Variants in TMCC3 observed in about 807,000 individuals in gnomAD.
The protein encoded by TMCC3 is transmembrane and coiled-coil domain protein 3.
In TMCC3, 28 loss-of-function variants were observed where a neutral mutation model predicts 40.2. The observed-to-expected ratio is 0.70, with a 90% CI of 0.52 to 0.95. The LOEUF (loss-of-function observed/expected upper bound fraction) is 0.95. TMCC3 is among the 40% of genes least tolerant of loss of function. The pLI is 0.00. For synonymous variants in TMCC3, 255 were observed against 248.5 expected (o/e 1.03, Z -0.25); for missense variants, 554 against 615.2 (o/e 0.90, Z 1.05).
rs1475674215 is a variant in TMCC3, at chr12:94,570,108, G to A, written c.*1327C>T. On this transcript the variant is annotated 3_prime_UTR_variant, in exon 4 of 4. Transcript: ENST00000261226. ...ACTTATGTTCAGTGAGATGTTAAGAGACAGGTGGCAACCTTGGCTCAAACA... is the reference window on the plus strand; with the variant it reads ...ACTTATGTTCAGTGAGATGTTAAGAAACAGGTGGCAACCTTGGCTCAAACA... 1 of 152,156 alleles carries A rather than the reference G, an allele frequency of 6.6e-6. No individual in the cohort carries two copies. The highest frequency in any genetic ancestry group is 2.4e-5 in the African/African-American group (1 of 41,436). 9.4% of individuals were successfully genotyped at this position (152,156 alleles called of 1,614,324 possible).
intron 1 of TMCC3, among the ~76,000 whole-genome samples, chr12:94,594,535 C>T (rs1182069697): frequency 6.6e-6 from 1 of 152,116 alleles, no homozygotes; most frequent in Non-Finnish European, 1.5e-5. Context: ...GGAAAATTTC[C>T]CATCCATGCT....
Position 94,571,391 on chromosome 12 carries a change from T to C in TMCC3, c.*44A>G. 1 of 1,587,652 alleles carries C rather than the reference T, an allele frequency of 6.3e-7. No individual in the cohort carries two copies. The highest frequency in any genetic ancestry group is 8.6e-7 in the Non-Finnish European group (1 of 1,165,982). ...TTGGTAGTATGCACAGAGTTTTCTT[T>C]AAAATAAAAACTTGAAAGAACTTGA... On this transcript the variant is annotated 3_prime_UTR_variant, in exon 4 of 4. Coordinates refer to ENST00000261226, the MANE Select transcript of TMCC3 (RefSeq NM_020698.4).
intron 1 of TMCC3, chr12:94,616,183 AT>A: frequency 2.5e-6 from 2 of 808,954 alleles, no homozygotes; most frequent in Non-Finnish European, 3.0e-6. Flanking sequence ...TGCTGTACAA[AT>A]GGGCTCTTTG....
At chr12:94,631,694 C>T (rs1304476266) in intron 1 of TMCC3, among the ~76,000 whole-genome samples, 1 of 152,194 alleles carries the variant, frequency 6.6e-6, no homozygotes, top group Non-Finnish European at 1.5e-5. Context: ...TAGGTTAAGA[C>T]AACACTGGCC....
intron 1 of TMCC3, among the ~76,000 whole-genome samples, chr12:94,648,944 A>T (rs1246383057): frequency 6.6e-6 from 1 of 152,252 alleles, no homozygotes; most frequent in East Asian, 1.9e-4. Flanking sequence ...AGTTCTGTTA[A>T]CTAGCATTAC....
chr12:94,584,795 A>G (rs1392901781), intron 1 of TMCC3, among the ~76,000 whole-genome samples: 2 of 152,104 alleles, frequency 1.3e-5, no homozygotes, highest in East Asian at 3.8e-4. Context: ...CCCAATCACT[A>G]CAAGACTAGA....
intron 1 of TMCC3, among the ~76,000 whole-genome samples, chr12:94,601,575 A>G (rs993425156): frequency 6.6e-6 from 1 of 151,788 alleles, no homozygotes; most frequent in Non-Finnish European, 1.5e-5. Context: ...CTGTAATCCC[A>G]ACATTGTGGG....
intron 1 of TMCC3, among the ~76,000 whole-genome samples, chr12:94,618,705 G>T (rs2068859778): frequency 6.6e-6 from 1 of 152,110 alleles, no homozygotes; most frequent in Non-Finnish European, 1.5e-5. Flanking sequence ...TGAGGTTCTT[G>T]ATTCTCTAGG....
intron 1 of TMCC3, chr12:94,616,360 A>G (rs1175808895): frequency 6.6e-6 from 1 of 152,410 alleles, no homozygotes; most frequent in Non-Finnish European, 1.5e-5. Context: ...CTTGTTAGGC[A>G]GAGCAAATGC....
intron 1 of TMCC3, among the ~76,000 whole-genome samples, chr12:94,646,685 T>C (rs1243418560): frequency 6.6e-6 from 1 of 151,460 alleles, no homozygotes; most frequent in Non-Finnish European, 1.5e-5. Context: ...GTGATCCACC[T>C]GCCTCGGCCT....
chr12:94,647,723 T>A (rs899099573), intron 1 of TMCC3, among the ~76,000 whole-genome samples: 26 of 152,212 alleles, frequency 1.7e-4, no homozygotes, highest in Non-Finnish European at 1.5e-5. Flanking sequence ...GGAAAACATA[T>A]CTTTACAGCT....
intron 3 of TMCC3, 37 bp from the exon 4 acceptor site, chr12:94,571,774 T>C (rs1268686125): frequency 5.6e-6 from 9 of 1,604,144 alleles, no homozygotes; most frequent in Non-Finnish European, 7.7e-6. Context: ...CAAACGGTGT[T>C]GGGATGGTGA....
chr12:94,588,744 C>T (rs1210627784), intron 1 of TMCC3, among the ~76,000 whole-genome samples: 1 of 152,140 alleles, frequency 6.6e-6, no homozygotes, highest in Non-Finnish European at 1.5e-5. Flanking sequence ...AAGTCTAGGC[C>T]AACCTTGTCC....
chr12:94,582,406 G>C lies in TMCC3; in HGVS notation c.211C>G (p.Leu71Val). The C allele has an allele frequency of 1.2e-6, 2 of 1,613,884 alleles. No homozygotes were observed. The highest frequency in any genetic ancestry group is 1.7e-6 in the Non-Finnish European group (2 of 1,180,010). ...GTTACCTTTAGAATTTTTTGCTTCA[G>C]GCTGTCTGCAGTGAGTTTGACCTTG... is the stretch of plus-strand genomic sequence containing the variant. ...FHKVKLTADS[L>V]KQKILKVTEQ... The change falls in exon 2 of 4, where the codon CTG becomes GTG. Residue 71 changes from leucine (L) to valine (V), a missense_variant. Transcript: ENST00000261226.
chr12:94,624,614 T>C (rs2138870984), intron 1 of TMCC3, among the ~76,000 whole-genome samples: 1 of 152,198 alleles, frequency 6.6e-6, no homozygotes, highest in South Asian at 2.1e-4. Flanking sequence ...CTCAGGAGGC[T>C]GAGGCACGAG....
At chr12:94,623,663 C>T (rs1346249702) in intron 1 of TMCC3, among the ~76,000 whole-genome samples, 1 of 152,256 alleles carries the variant, frequency 6.6e-6, no homozygotes, top group Non-Finnish European at 1.5e-5. Flanking sequence ...CTATACAACA[C>T]CAGCTACCCC....
intron 1 of TMCC3, among the ~76,000 whole-genome samples, chr12:94,630,185 G>T (rs2068924939): frequency 6.6e-6 from 1 of 151,944 alleles, no homozygotes; most frequent in Non-Finnish European, 1.5e-5. Flanking sequence ...AACCCAGGAG[G>T]TGGAGGTTGC....
intron 1 of TMCC3, among the ~76,000 whole-genome samples, chr12:94,627,557 C>G (rs2068910378): frequency 6.6e-6 from 1 of 152,222 alleles, no homozygotes; most frequent in Non-Finnish European, 1.5e-5. Flanking sequence ...ACTCCCTGCT[C>G]ACACTGCCCC....
intron 1 of TMCC3, among the ~76,000 whole-genome samples, chr12:94,619,721 G>A (rs1035730520): frequency 9.9e-5 from 15 of 152,196 alleles, no homozygotes; most frequent in African/African-American, 3.6e-4. Context: ...ATGTACACAA[G>A]TTTTCAATAC....
Sources: allele counts gnomAD v4.1 joint callset (sites outside exome capture counted in the v4.1 genomes callset), GRCh38; gene constraint gnomAD v4.1.1; transcripts MANE v1.5; gene names NCBI Gene and HGNC (gene_info 2026-07-23, HGNC 2026-07-21).